The following ZCCHC7 variants were observed in gnomAD, a reference collection of about 807,000 sequenced individuals.
ZCCHC7 encodes the protein zinc finger CCHC domain-containing protein 7.
A neutral mutation model predicts 52.0 loss-of-function variants in ZCCHC7; 35 were observed. That is an observed-to-expected ratio of 0.67 (90% confidence interval 0.51 to 0.89). The LOEUF (loss-of-function observed/expected upper bound fraction) is 0.89, where lower values mean the gene tolerates loss of function less well. Among genes scored for constraint, ZCCHC7 ranks in the 40% least tolerant of loss-of-function variants. The pLI, the probability that ZCCHC7 is intolerant of heterozygous loss-of-function variation, is 0.00. For synonymous variants in ZCCHC7, 217 were observed against 221.5 expected, an observed-to-expected ratio of 0.98 and a Z score of 0.18; for missense variants, 574 against 649.1, an observed-to-expected ratio of 0.88 and a Z score of 1.26.
intron 3 of ZCCHC7, among the ~76,000 whole-genome samples, chr9:37,303,293 C>T (rs1270008445): frequency 3.3e-5 from 5 of 151,944 alleles, no homozygotes; most frequent in East Asian, 3.9e-4. Flanking sequence ...GGTGTGGTGG[C>T]GGGCGCCTGT....
chr9:37,288,291 AAAATC>A (rs1216611004), intron 2 of ZCCHC7, among the ~76,000 whole-genome samples: 1 of 151,300 alleles, frequency 6.6e-6, no homozygotes, highest in African/African-American at 2.4e-5. Flanking sequence ...AAAAAAAAAA[AAAATC>A]TATCTATCTA....
chr9:37,347,851 G>A (rs1459442635), intron 6 of ZCCHC7, among the ~76,000 whole-genome samples: 2 of 152,162 alleles, frequency 1.3e-5, no homozygotes, highest in African/African-American at 4.8e-5. Context: ...ATCTCACTAG[G>A]CCTCTCTGCT....
At chr9:37,222,616 T>A (rs555815040) in intron 2 of ZCCHC7, among the ~76,000 whole-genome samples, 59 of 152,156 alleles carry the variant, frequency 3.9e-4, no homozygotes, top group African/African-American at 1.4e-3. Flanking sequence ...AAGTATGACA[T>A]AAAAAGTTAG....
intron 2 of ZCCHC7, among the ~76,000 whole-genome samples, chr9:37,201,889 C>T (rs943373982): frequency 6.6e-6 from 1 of 152,204 alleles, no homozygotes; most frequent in Non-Finnish European, 1.5e-5. Context: ...GAAGACACCA[C>T]TTATCCAGCC....
rs772887338 is a variant in ZCCHC7 at position 37,126,872 on chromosome 9, A to G, written c.540A>G (p.Gly180=). The G allele has an allele frequency of 4.3e-6, 7 of 1,614,024 alleles. No homozygotes were observed. The highest frequency in any genetic ancestry group is 5.9e-6 in the Non-Finnish European group (7 of 1,180,024). ...ATGTGGAAAGCTGGATGCTACTGGG[A>G]TGTGAAGTAGATGATAAAGATGATG... ...GDNVESWMLL[G]CEVDDKDDDI... is the part of the protein sequence containing the mutation. The change falls in exon 2 of 9, where the codon GGA becomes GGG. Residue 180 remains glycine, a synonymous_variant. Coordinates refer to ENST00000336755, the MANE Select transcript of ZCCHC7 (RefSeq NM_032226.3).
chr9:37,336,841 T>A (rs551538605), intron 6 of ZCCHC7, among the ~76,000 whole-genome samples: 1 of 152,252 alleles, frequency 6.6e-6, no homozygotes, highest in African/African-American at 2.4e-5. Flanking sequence ...CCTTCATCCC[T>A]CTATCCTGCA....
intron 7 of ZCCHC7, among the ~76,000 whole-genome samples, chr9:37,353,543 G>A (rs1821518662): frequency 6.6e-6 from 1 of 152,162 alleles, no homozygotes; most frequent in Non-Finnish European, 1.5e-5. Context: ...GGAGATGAGT[G>A]CAAAATGGGA....
At chr9:37,356,343 G>C (rs1441141012) in intron 8 of ZCCHC7, among the ~76,000 whole-genome samples, 3 of 152,214 alleles carry the variant, frequency 2.0e-5, no homozygotes, top group Non-Finnish European at 4.4e-5. Context: ...ACTCCTCAAA[G>C]CCAGTGATCT....
intron 2 of ZCCHC7, among the ~76,000 whole-genome samples, chr9:37,273,092 C>T (rs1286115840): frequency 1.3e-5 from 2 of 152,324 alleles, no homozygotes; most frequent in African/African-American, 4.8e-5. Flanking sequence ...AACAGTTATT[C>T]TCATTTGTGT....
intron 5 of ZCCHC7, among the ~76,000 whole-genome samples, chr9:37,314,368 T>C (rs1317091706): frequency 1.3e-5 from 2 of 152,194 alleles, no homozygotes; most frequent in African/African-American, 4.8e-5. Flanking sequence ...AGGTCTCTGA[T>C]GTATAAAGCA....
intron 2 of ZCCHC7, among the ~76,000 whole-genome samples, chr9:37,152,323 A>G (rs1820577492): frequency 6.6e-6 from 1 of 152,038 alleles, no homozygotes; most frequent in Non-Finnish European, 1.5e-5. Flanking sequence ...CCCTGTATTC[A>G]GTTTTTCCCA....
intron 2 of ZCCHC7, among the ~76,000 whole-genome samples, chr9:37,146,247 A>G (rs1430650081): frequency 3.3e-5 from 5 of 151,816 alleles, no homozygotes; most frequent in African/African-American, 7.2e-5. Context: ...GACGATCCCA[A>G]TAGTTATGAA....
chr9:37,145,669 T>A (rs1017400938), intron 2 of ZCCHC7, among the ~76,000 whole-genome samples: 52 of 151,986 alleles, frequency 3.4e-4, no homozygotes, highest in African/African-American at 1.2e-3. Flanking sequence ...GTTCAGAAAA[T>A]AGGAGCATAC....
intron 2 of ZCCHC7, among the ~76,000 whole-genome samples, chr9:37,265,686 TG>T (rs753844556): frequency 9.9e-5 from 15 of 152,216 alleles, no homozygotes; most frequent in Non-Finnish European, 1.3e-4. Flanking sequence ...TCCATATTGC[TG>T]TTGGACTGAT....
At chr9:37,349,235 G>A (rs1821211392) in intron 6 of ZCCHC7, 122 bp from the exon 7 acceptor site, 1 of 818,594 alleles carries the variant, frequency 1.2e-6, no homozygotes, top group Admixed American at 2.6e-5. Context: ...CTGAATACAG[G>A]TCTCCATACA....
intron 2 of ZCCHC7, among the ~76,000 whole-genome samples, chr9:37,151,321 C>G (rs1820513866): frequency 6.6e-6 from 1 of 152,108 alleles, no homozygotes; most frequent in African/African-American, 2.4e-5. Flanking sequence ...TAGAATCCTT[C>G]AAGTCTTTCT....
In ZCCHC7 at chr9:37,357,109, T is replaced by C. The variant is rs1023455557; in HGVS notation, c.1473T>C (p.Pro491=). Residue 491 remains proline (P), a synonymous_variant, in exon 9 of 9, where the codon CCT becomes CCC. Transcript: ENST00000336755. The part of the protein sequence containing the change: ...SSPGSFKTQK[P]SKPFHRSSHY... The stretch of plus-strand genomic sequence containing the variant: ...CTGGCAGTTTTAAAACCCAGAAGCC[T>C]TCTAAGCCCTTTCACCGTTCATCAC... The C allele has an allele frequency of 2.5e-6, 4 of 1,613,614 alleles. No individual in the cohort carries two copies. The highest frequency in any genetic ancestry group is 3.4e-6 in the Non-Finnish European group (4 of 1,179,964).
At chr9:37,209,262 G>A (rs560350787) in intron 2 of ZCCHC7, among the ~76,000 whole-genome samples, 31 of 151,958 alleles carry the variant, frequency 2.0e-4, no homozygotes, top group African/African-American at 6.3e-4. Flanking sequence ...GGATGGTCTC[G>A]ATCTCCTGAC....
chr9:37,323,046 G>C (rs1261190429), intron 5 of ZCCHC7, among the ~76,000 whole-genome samples: 3 of 152,118 alleles, frequency 2.0e-5, no homozygotes, highest in Non-Finnish European at 4.4e-5. Context: ...ATCCTTTGAG[G>C]AGGTACTGTT....
Sources: allele counts gnomAD v4.1 joint callset (sites outside exome capture counted in the v4.1 genomes callset), GRCh38; gene constraint gnomAD v4.1.1; transcripts MANE v1.5; gene names NCBI Gene and HGNC (gene_info 2026-07-23, HGNC 2026-07-21).